The following UNC5D variants were observed in gnomAD, a reference collection of about 807,000 sequenced individuals.
UNC5D encodes unc-5 netrin receptor D, also known as netrin receptor UNC5D.
A neutral mutation model predicts 105.4 loss-of-function variants in UNC5D; 39 were observed. The ratio of observed to expected loss-of-function variants is 0.37; its 90% CI spans 0.29 to 0.48. UNC5D has a LOEUF of 0.48. UNC5D is among the 20% of genes least tolerant of loss of function. UNC5D has a pLI of 0.98. For missense variants in UNC5D, 991 were observed against 1,202.4 expected (o/e 0.82, Z 2.60); for synonymous variants, 452 against 450.4 (o/e 1.00, Z -0.04).
intron 1 of UNC5D, among the ~76,000 whole-genome samples, chr8:35,415,365 C>A (rs1429018578): frequency 6.6e-6 from 1 of 152,064 alleles, no homozygotes; most frequent in African/African-American, 2.4e-5. Context: ...ATGCAATCCA[C>A]CTGTTGTTTA....
At chr8:35,255,058 G>A (rs181712732) in intron 1 of UNC5D, 6 of 152,312 alleles carry the variant, frequency 3.9e-5, no homozygotes, top group African/African-American at 1.4e-4. Flanking sequence ...GAGTTCTTAA[G>A]TTAGAAGCCA....
At chr8:35,617,316 G>C (rs1052486032) in intron 4 of UNC5D, among the ~76,000 whole-genome samples, 1 of 152,166 alleles carries the variant, frequency 6.6e-6, no homozygotes, top group African/African-American at 2.4e-5. Context: ...CCACCCTGGA[G>C]AGTTTTCTGC....
intron 1 of UNC5D, among the ~76,000 whole-genome samples, chr8:35,309,534 T>A (rs1336388802): frequency 1.3e-5 from 2 of 152,180 alleles, no homozygotes; most frequent in African/African-American, 4.8e-5. Context: ...TAAGTGTAAG[T>A]CTCCTTTGAA....
intron 1 of UNC5D, among the ~76,000 whole-genome samples, chr8:35,286,917 A>G (rs772693733): frequency 1.3e-5 from 2 of 152,094 alleles, no homozygotes; most frequent in Non-Finnish European, 2.9e-5. Flanking sequence ...ACAACTTGCA[A>G]CTCTACCTAA....
At chr8:35,323,733 T>C (rs1225320528) in intron 1 of UNC5D, among the ~76,000 whole-genome samples, 3 of 152,176 alleles carry the variant, frequency 2.0e-5, no homozygotes, top group Non-Finnish European at 4.4e-5. Context: ...AGTTAATTGC[T>C]CAAGGTGCTA....
At position 35,791,944 on chromosome 8, in the gene UNC5D, A is replaced by G. The variant is rs1013503031; in HGVS notation, c.*1381A>G. ...TTTTTATCCTATTAAATTATTTTTG[A>G]CAAGATGTCCTGGTAGACTAAAGGT... is the stretch of plus-strand genomic sequence containing the variant. On this transcript the variant is annotated 3_prime_UTR_variant, in exon 17 of 17. Coordinates refer to ENST00000404895, the MANE Select transcript of UNC5D (RefSeq NM_080872.4). The G allele has an allele frequency of 2.0e-5, 3 of 152,094 alleles. No individual in the cohort carries two copies. Among genetic ancestry groups the G allele is most frequent in the African/African-American group, 7.2e-5 (3 of 41,402 alleles). The allele number at this position is 152,094 out of a possible 1,614,324, so 9.4% of individuals were successfully genotyped here. A position where few individuals can be genotyped will look rare whatever the true frequency, so the allele number is the denominator to read the frequency against.
At chr8:35,726,046 C>T (rs545334240) in intron 9 of UNC5D, 106 bp from the exon 10 acceptor site, 2 of 1,442,276 alleles carry the variant, frequency 1.4e-6, no homozygotes, top group African/African-American at 1.4e-5. Context: ...TGGATTGGAA[C>T]TGCTGGCACC....
intron 1 of UNC5D, among the ~76,000 whole-genome samples, chr8:35,382,253 G>A (rs191835417): frequency 1.3e-4 from 20 of 152,310 alleles, no homozygotes; most frequent in African/African-American, 4.8e-4. Context: ...TTGAGGTTCT[G>A]TGTTTTCCCC....
intron 9 of UNC5D, 24 bp from the exon 10 acceptor site, chr8:35,726,128 G>T: frequency 6.3e-7 from 1 of 1,592,972 alleles, no homozygotes; most frequent in South Asian, 1.1e-5. Context: ...GTTTCTGAGT[G>T]ACAGATCAAT....
chr8:35,623,652 A>G (rs1365320361), intron 4 of UNC5D, among the ~76,000 whole-genome samples: 1 of 152,194 alleles, frequency 6.6e-6, no homozygotes, highest in East Asian at 1.9e-4. Context: ...AGTGTTGCCA[A>G]CTTTTAATAT....
At chr8:35,599,893 C>T (rs538702654) in intron 4 of UNC5D, among the ~76,000 whole-genome samples, 98 of 152,246 alleles carry the variant, frequency 6.4e-4, no homozygotes, top group African/African-American at 2.3e-3. Flanking sequence ...TGTTGGTGTG[C>T]TGCACCCATT....
chr8:35,363,867 T>A (rs1268602892), intron 1 of UNC5D, among the ~76,000 whole-genome samples: 1 of 152,150 alleles, frequency 6.6e-6, no homozygotes, highest in Non-Finnish European at 1.5e-5. Context: ...CTGTGTTTTT[T>A]GCCAAATGGT....
intron 1 of UNC5D, among the ~76,000 whole-genome samples, chr8:35,499,921 T>G (rs1811860480): frequency 6.6e-6 from 1 of 152,224 alleles, no homozygotes. Context: ...ATGCTTATAC[T>G]GGAAATGCAA....
chr8:35,741,080 T>G (rs2131607013), intron 11 of UNC5D, among the ~76,000 whole-genome samples: 1 of 152,296 alleles, frequency 6.6e-6, no homozygotes, highest in African/African-American at 2.4e-5. Flanking sequence ...ATCTCACTTC[T>G]TCTAAAAAGG....
chr8:35,471,944 G>A (rs1809760326), intron 1 of UNC5D, among the ~76,000 whole-genome samples: 2 of 151,298 alleles, frequency 1.3e-5, no homozygotes, highest in African/African-American at 4.9e-5. Context: ...AACAAAATAA[G>A]CAGATATCTC....
At chr8:35,546,846 C>T (rs1279709688) in intron 1 of UNC5D, among the ~76,000 whole-genome samples, 1 of 152,172 alleles carries the variant, frequency 6.6e-6, no homozygotes, top group Non-Finnish European at 1.5e-5. Context: ...ACCCCTCTTA[C>T]TCCCTGTGAC....
intron 1 of UNC5D, among the ~76,000 whole-genome samples, chr8:35,446,997 G>A (rs1248399497): frequency 2.6e-5 from 4 of 152,030 alleles, no homozygotes; most frequent in South Asian, 2.1e-4. Flanking sequence ...TTAGCACAGC[G>A]ACTCCCATCA....
intron 4 of UNC5D, among the ~76,000 whole-genome samples, chr8:35,637,852 A>T (rs1344252535): frequency 6.6e-6 from 1 of 152,168 alleles, no homozygotes; most frequent in Non-Finnish European, 1.5e-5. Flanking sequence ...ATTATTCAAC[A>T]GCTGTTTTTT....
chr8:35,573,219 T>A (rs1009746194), intron 3 of UNC5D, among the ~76,000 whole-genome samples: 1 of 152,128 alleles, frequency 6.6e-6, no homozygotes, highest in African/African-American at 2.4e-5. Context: ...ATTTGGAAAA[T>A]GTTGATTTAA....
Sources: allele counts gnomAD v4.1 joint callset (sites outside exome capture counted in the v4.1 genomes callset), GRCh38; gene constraint gnomAD v4.1.1; transcripts MANE v1.5; gene names NCBI Gene and HGNC (gene_info 2026-07-23, HGNC 2026-07-21).